Variants in WDR17 observed in about 807,000 individuals in gnomAD.
WDR17 encodes WD repeat domain 17.
Under a neutral mutation model 161.7 loss-of-function variants are expected in WDR17, and 143 were observed. The ratio of observed to expected loss-of-function variants is 0.88; its 90% confidence interval spans 0.77 to 1.02. The LOEUF is 1.02. Ranked by LOEUF, WDR17 falls within the 50% of genes least tolerant of loss-of-function variation. WDR17 has a pLI of 0.00. For synonymous variants in WDR17, 517 were observed against 515.6 expected (o/e 1.00, Z -0.04); for missense variants, 1,469 against 1,520.9 (o/e 0.97, Z 0.57).
intron 3 of WDR17, among the ~76,000 whole-genome samples, chr4:176,117,400 C>A (rs1215676861): frequency 2.0e-5 from 3 of 151,936 alleles, no homozygotes; most frequent in African/African-American, 7.2e-5. Flanking sequence ...GAAATTCTTT[C>A]CATATTGTAT....
intron 10 of WDR17, among the ~76,000 whole-genome samples, chr4:176,140,356 A>G (rs1438412048): frequency 6.6e-6 from 1 of 152,094 alleles, no homozygotes; most frequent in African/African-American, 2.4e-5. Context: ...TAAGTGCCGT[A>G]AAAACTTGTT....
chr4:176,122,220 G>A (rs554506488), intron 4 of WDR17, among the ~76,000 whole-genome samples: 1 of 152,242 alleles, frequency 6.6e-6, no homozygotes, highest in African/African-American at 2.4e-5. Flanking sequence ...TCCCTGCTGT[G>A]TGTATGCATG....
rs907315398 is a variant in WDR17, at chr4:176,163,368, A to G, written c.2990+75A>G. ...TTTAAAACATTATAAATTCCATTTG[A>G]TAAGATATGCATTGGGAGAATATAG... On this transcript the variant is annotated intron_variant, in intron 22 of 28. Coordinates refer to ENST00000508596, the MANE Select transcript of WDR17 (RefSeq NM_181265.4). The G allele has an allele frequency of 2.7e-6, 4 of 1,480,526 alleles. No homozygotes were observed. The African/African-American group carries it at 4.2e-5, about 16-fold the overall frequency. 91.7% of individuals were successfully genotyped at this position (1,480,526 alleles called of 1,614,324 possible).
At chr4:176,072,724 A>G (rs758521098) in intron 1 of WDR17, among the ~76,000 whole-genome samples, 2 of 152,182 alleles carry the variant, frequency 1.3e-5, no homozygotes, top group African/African-American at 4.8e-5. Flanking sequence ...CCGAGCACAT[A>G]GTATATTTAC....
chr4:176,163,733 C>G (rs1011724602), intron 22 of WDR17, among the ~76,000 whole-genome samples: 2 of 152,032 alleles, frequency 1.3e-5, no homozygotes, highest in Non-Finnish European at 2.9e-5. Context: ...AACAGGACAC[C>G]TCCCCCAGAC....
intron 1 of WDR17, among the ~76,000 whole-genome samples, chr4:176,104,515 T>TTTAAATAATTA (rs1433255626): frequency 1.3e-5 from 2 of 152,034 alleles, no homozygotes; most frequent in Non-Finnish European, 2.9e-5. Context: ...AAAAAACTAA[T>TTTAAATAATTA]GTATTTAAAA....
intron 25 of WDR17, 23 bp from the exon 26 acceptor site, chr4:176,174,594 A>G: frequency 1.9e-6 from 3 of 1,550,644 alleles, no homozygotes; most frequent in Non-Finnish European, 2.6e-6. Context: ...GGAATTTATA[A>G]AAATAAATAT....
chr4:176,074,475 AGG>A (rs1733692463), intron 1 of WDR17, among the ~76,000 whole-genome samples: 2 of 151,776 alleles, frequency 1.3e-5, no homozygotes, highest in Admixed American at 1.3e-4. Flanking sequence ...TTTTTAAAAA[AGG>A]ACAGAGTCTC....
chr4:176,160,152 A>G (rs1376539810), intron 19 of WDR17, 26 bp downstream of exon 19: 2 of 1,610,548 alleles, frequency 1.2e-6, no homozygotes, highest in Admixed American at 3.3e-5. Context: ...TACCCCAGTC[A>G]CATACATGAA....
At position 176,146,137 on chromosome 4, in the gene WDR17, C is replaced by A; in HGVS notation, c.1672C>A (p.Leu558Ile). 6.2e-7 allele frequency: 1 copy of A among 1,613,430 alleles called. No individual in the cohort carries two copies. The highest frequency in any genetic ancestry group is 2.2e-5 in the East Asian group (1 of 44,824). The change falls in exon 12 of 29, where the codon CTT becomes ATT. Residue 558 changes from leucine (L) to isoleucine (I), a missense_variant. Transcript: ENST00000508596. ...ATGGTCTCCTCTGAGAGAGGGAATT[C>A]TTTGCAGTGGTTCTGATGATGGGTA... ...VKWSPLREGI[L>I]CSGSDDGTVR...
chr4:176,127,294 A>T (rs1742601809), intron 5 of WDR17, among the ~76,000 whole-genome samples: 1 of 143,112 alleles, frequency 7.0e-6, no homozygotes, highest in Admixed American at 7.0e-5. Flanking sequence ...TAGGCATGGA[A>T]TTTTTTTTTT....
chr4:176,136,759 A>G (rs1462997148), intron 8 of WDR17, among the ~76,000 whole-genome samples: 1 of 151,622 alleles, frequency 6.6e-6, no homozygotes, highest in Non-Finnish European at 1.5e-5. Context: ...ATCCCCAATA[A>G]TTTAAGAACC....
chr4:176,107,322 T>C (rs1738907666), intron 1 of WDR17, among the ~76,000 whole-genome samples: 1 of 151,398 alleles, frequency 6.6e-6, no homozygotes, highest in South Asian at 2.1e-4. Context: ...GCCAAACACT[T>C]GTGCCCTGTT....
intron 1 of WDR17, among the ~76,000 whole-genome samples, chr4:176,078,875 G>A (rs1165098128): frequency 2.0e-5 from 3 of 151,656 alleles, no homozygotes; most frequent in African/African-American, 4.8e-5. Context: ...TTCTTGTATT[G>A]GGAGCATTCA....
At chr4:176,169,230 A>C (rs1009574500) in intron 23 of WDR17, among the ~76,000 whole-genome samples, 1 of 152,202 alleles carries the variant, frequency 6.6e-6, no homozygotes, top group Non-Finnish European at 1.5e-5. Context: ...AAATATAATG[A>C]AATTTACATG....
At chr4:176,104,618 G>A (rs945051683) in intron 1 of WDR17, among the ~76,000 whole-genome samples, 2 of 151,978 alleles carry the variant, frequency 1.3e-5, no homozygotes, top group Non-Finnish European at 2.9e-5. Flanking sequence ...GAGTTTTAAA[G>A]AAGCTGAGGT....
rs571443287 is a variant in WDR17 at position 176,137,949 on chromosome 4, G to T, written c.1359+338G>T. On this transcript the variant is annotated intron_variant, in intron 9 of 28. Transcript: ENST00000508596. ...TATTAATTAGCTCTTGACATAAGGA[G>T]AATCACTTTATTGCCCTAAACCTGT... Among the ~76,000 whole-genome samples the T allele has an allele frequency of 2.2e-4, 34 of 151,728 alleles. No homozygotes were observed. The East Asian group carries it at 6.6e-3, about 29-fold the overall frequency.
chr4:176,145,283 G>A (rs1224709626), intron 11 of WDR17, among the ~76,000 whole-genome samples: 1 of 152,138 alleles, frequency 6.6e-6, no homozygotes, highest in Non-Finnish European at 1.5e-5. Flanking sequence ...AGTATTCCAA[G>A]TTTGATCATG....
intron 1 of WDR17, among the ~76,000 whole-genome samples, chr4:176,077,897 G>A (rs1192294308): frequency 6.6e-6 from 1 of 151,940 alleles, no homozygotes; most frequent in Non-Finnish European, 1.5e-5. Flanking sequence ...AGAAGAGAAA[G>A]GTTCTTTTTC....
Sources: gnomAD v4.1 joint callset for allele counts (sites outside exome capture counted in the v4.1 genomes callset) on GRCh38, gnomAD v4.1.1 for gene constraint, MANE v1.5 for transcripts, NCBI Gene and HGNC (gene_info 2026-07-23, HGNC 2026-07-21) for gene names.